The following LRRC4C variants were observed in gnomAD, a reference collection of about 807,000 sequenced individuals.
LRRC4C encodes leucine rich repeat containing 4C.
A neutral mutation model predicts 33.6 loss-of-function variants in LRRC4C; 5 were observed. That is an observed-to-expected ratio of 0.15 (90% confidence interval 0.08 to 0.31). The LOEUF (loss-of-function observed/expected upper bound fraction) is 0.31, where lower values mean the gene tolerates loss of function less well. Ranked by LOEUF, LRRC4C falls within the 10% of genes least tolerant of loss-of-function variation. The pLI is 1.00. For synonymous variants in LRRC4C, 329 were observed against 302.0 expected (o/e 1.09, Z -0.93); for missense variants, 560 against 796.7 (o/e 0.70, Z 3.58).
intron 2 of LRRC4C, among the ~76,000 whole-genome samples, chr11:40,783,067 T>C (rs188111475): frequency 2.0e-5 from 3 of 152,266 alleles, no homozygotes; most frequent in Admixed American, 2.0e-4. Context: ...ATATTATTGG[T>C]TCATAGTCAT....
chr11:40,223,784 T>C (rs1443014896), intron 5 of LRRC4C, among the ~76,000 whole-genome samples: 1 of 152,230 alleles, frequency 6.6e-6, no homozygotes, highest in Non-Finnish European at 1.5e-5. Context: ...GGGAAATTAA[T>C]TCTTTGCCTC....
chr11:40,438,944 T>G lies in LRRC4C; in HGVS notation c.-269-119223A>C, dbSNP rs577632598. On this transcript the variant is annotated intron_variant, in intron 3 of 6. Coordinates refer to ENST00000528697, the MANE Select transcript of LRRC4C (RefSeq NM_001258419.2). ...ATTGCTACTTTTTTTTTTTTTTTTT[T>G]TTTTGAGACAGAGTCTCACTCTGTC... is the stretch of plus-strand genomic sequence containing the variant. Among the ~76,000 whole-genome samples, 1,441 of 146,920 alleles carry G rather than the reference T, an allele frequency of 9.8e-3. 14 individuals carry two copies. Among genetic ancestry groups the G allele is most frequent in the African/African-American group, 0.034 (1,349 of 39,604 alleles).
chr11:40,604,536 T>A (rs1421555263), intron 3 of LRRC4C, among the ~76,000 whole-genome samples: 1 of 152,088 alleles, frequency 6.6e-6, no homozygotes, highest in Admixed American at 6.6e-5. Context: ...AAAGGGTAGG[T>A]AGTTTGTAAT....
intron 3 of LRRC4C, among the ~76,000 whole-genome samples, chr11:40,460,496 G>A (rs1952343718): frequency 6.6e-6 from 1 of 152,082 alleles, no homozygotes; most frequent in African/African-American, 2.4e-5. Flanking sequence ...GACTGAGACA[G>A]CATTCTGGAT....
rs369413177 is a variant in LRRC4C at position 40,886,995 on chromosome 11, T to TACAC, written c.-407+46636_-407+46639dup. Among the ~76,000 whole-genome samples the TACAC allele has an allele frequency of 3.3e-3, 480 of 144,184 alleles. 1 individual carries two copies. The highest frequency in any genetic ancestry group is 8.7e-3 in the African/African-American group (341 of 39,420). The allele number at this position is 144,184 out of a possible 152,430, so 94.6% of individuals were successfully genotyped here. A position where few individuals can be genotyped will look rare whatever the true frequency, so the allele number is the denominator to read the frequency against. ...ATATATATATATACGTGTATATATC[T>TACAC]ACACACACACACACACACACACATA... On this transcript the variant is annotated intron_variant, in intron 2 of 6. Transcript: ENST00000528697.
chr11:40,383,926 TATTA>T (rs1255305114), intron 3 of LRRC4C, among the ~76,000 whole-genome samples: 4 of 141,366 alleles, frequency 2.8e-5, no homozygotes, highest in African/African-American at 1.0e-4. Context: ...TTCAAATTAT[TATTA>T]TTATTATTAT....
At chr11:41,130,242 T>C (rs925798584) in intron 1 of LRRC4C, among the ~76,000 whole-genome samples, 1 of 152,012 alleles carries the variant, frequency 6.6e-6, no homozygotes, top group Non-Finnish European at 1.5e-5. Flanking sequence ...ATTTAAGCAA[T>C]TGCTAATTCC....
intron 2 of LRRC4C, among the ~76,000 whole-genome samples, chr11:40,737,576 T>C (rs898961062): frequency 6.7e-6 from 1 of 150,162 alleles, no homozygotes; most frequent in Non-Finnish European, 1.5e-5. Flanking sequence ...ACACCAATAA[T>C]AAAAAAAAAC....
intron 1 of LRRC4C, among the ~76,000 whole-genome samples, chr11:41,112,815 T>C (rs1437609096): frequency 1.3e-5 from 2 of 152,094 alleles, no homozygotes; most frequent in East Asian, 3.9e-4. Flanking sequence ...AAGATCATGA[T>C]TTTCCTCATT....
chr11:40,852,229 C>A (rs998056796), intron 2 of LRRC4C, among the ~76,000 whole-genome samples: 2 of 151,604 alleles, frequency 1.3e-5, no homozygotes, highest in Non-Finnish European at 2.9e-5. Flanking sequence ...GATTAAATAT[C>A]ACATACCCTG....
Position 40,858,219 on chromosome 11 carries a change from T to C in LRRC4C, c.-407+75416A>G, listed in dbSNP as rs897948555. On this transcript the variant is annotated intron_variant, in intron 2 of 6. Transcript: ENST00000528697. ...TTAGTGCAAAACTATACAACACTTCTATCATGGCACAAAGTTTCACTGGAC... is the reference window on the plus strand; with the variant it reads ...TTAGTGCAAAACTATACAACACTTCCATCATGGCACAAAGTTTCACTGGAC... Among the ~76,000 whole-genome samples, 13 of 152,320 alleles carry C rather than the reference T, an allele frequency of 8.5e-5. No homozygotes were observed. The East Asian group carries it at 2.3e-3, about 27-fold the overall frequency.
intron 4 of LRRC4C, among the ~76,000 whole-genome samples, chr11:40,274,404 C>T (rs1942933818): frequency 7.2e-6 from 1 of 138,942 alleles, no homozygotes; most frequent in African/African-American, 2.7e-5. Flanking sequence ...AGTGCTTACC[C>T]TGCGGAATAG....
intron 3 of LRRC4C, among the ~76,000 whole-genome samples, chr11:40,517,975 A>G (rs1458522853): frequency 6.6e-6 from 1 of 152,188 alleles, no homozygotes; most frequent in Non-Finnish European, 1.5e-5. Flanking sequence ...CAATCATCTG[A>G]TCTTTGACAA....
intron 3 of LRRC4C, among the ~76,000 whole-genome samples, chr11:40,464,160 C>G (rs1358752166): frequency 6.6e-6 from 1 of 151,820 alleles, no homozygotes; most frequent in South Asian, 2.1e-4. Flanking sequence ...TTTTATTGCA[C>G]GGATGCAATG....
At chr11:40,775,477 C>T (rs184320391) in intron 2 of LRRC4C, among the ~76,000 whole-genome samples, 3 of 151,556 alleles carry the variant, frequency 2.0e-5, no homozygotes, top group South Asian at 2.1e-4. Context: ...AACTACTTAA[C>T]TCTGTCCTTG....
chr11:41,059,210 G>GTTTTTTGTTT (rs1555056804), intron 1 of LRRC4C, among the ~76,000 whole-genome samples: 2 of 125,196 alleles, frequency 1.6e-5, no homozygotes, highest in African/African-American at 5.8e-5. Flanking sequence ...TAAAATAAAA[G>GTTTTTTGTTT]TTTTTTTTTT....
intron 1 of LRRC4C, among the ~76,000 whole-genome samples, chr11:41,107,310 G>C (rs11036235): frequency 0.95 from 143,928 of 152,102 alleles, 68,662 homozygotes; most frequent in East Asian, 1. Context: ...AACATTTGAA[G>C]AGTTTTGCTA....
Position 40,115,019 on chromosome 11 carries a change from G to T in LRRC4C, c.1274C>A (p.Thr425Lys). 1 of 1,614,250 alleles carries T rather than the reference G, an allele frequency of 6.2e-7. No individual in the cohort carries two copies. The highest frequency in any genetic ancestry group is 1.3e-5 in the African/African-American group (1 of 75,072). ...NVTVQDTGMY[T>K]CMVSNSVGNT... ...CCCAACGGAATTACTCACCATACAT[G>T]TGTACATGCCTGTATCTTGCACAGT... Residue 425 changes from threonine (T) to lysine (K), a missense_variant, in exon 7 of 7, where the codon ACA (threonine) becomes AAA (lysine). Thr to Lys is a moderately conservative substitution (Grantham distance 78). This residue lies in a region of LRRC4C where 455 missense variants were observed against 643.8 expected (regional missense o/e 0.71). Coordinates refer to ENST00000528697, the MANE Select transcript of LRRC4C (RefSeq NM_001258419.2). This position sits in a 1 kb window ranked among gnomAD's most constrained non-coding sequence, Gnocchi z 6.7.
chr11:40,658,598 G>A (rs912825713), intron 2 of LRRC4C, among the ~76,000 whole-genome samples: 3 of 152,148 alleles, frequency 2.0e-5, no homozygotes, highest in Non-Finnish European at 2.9e-5. Context: ...ATCGTTGACT[G>A]GTGGAAGAGT....
Sources: gnomAD v4.1 joint callset for allele counts (sites outside exome capture counted in the v4.1 genomes callset) on GRCh38, gnomAD v4.1.1 for gene constraint, gnomAD v4.1.1 regional missense constraint, Gnocchi (gnomAD v3.1) non-coding constraint, MANE v1.5 for transcripts, NCBI Gene and HGNC (gene_info 2026-07-23, HGNC 2026-07-21) for gene names.